The following PGS1 variants were observed in gnomAD, a reference collection of about 807,000 sequenced individuals.
The protein encoded by PGS1 is CDP-diacylglycerol--glycerol-3-phosphate 3-phosphatidyltransferase, mitochondrial.
Under a neutral mutation model 58.3 loss-of-function variants are expected in PGS1, and 44 were observed. The ratio of observed to expected loss-of-function variants is 0.75; its 90% confidence interval spans 0.59 to 0.97. PGS1 has a LOEUF of 0.97. PGS1 is among the 50% of genes least tolerant of loss of function. The pLI is 0.00. For synonymous variants in PGS1, 330 were observed against 311.0 expected (o/e 1.06, Z -0.64); for missense variants, 684 against 731.1 (o/e 0.94, Z 0.74).
At chr17:78,391,486 A>G (rs1385210458) in intron 1 of PGS1, among the ~76,000 whole-genome samples, 2 of 151,752 alleles carry the variant, frequency 1.3e-5, no homozygotes, top group African/African-American at 4.8e-5. Context: ...TGCCCAGGTA[A>G]CTTTTTTTTG....
At chr17:78,402,722 G>A (rs563662717) in intron 6 of PGS1, among the ~76,000 whole-genome samples, 3 of 152,076 alleles carry the variant, frequency 2.0e-5, no homozygotes, top group African/African-American at 7.2e-5. Flanking sequence ...TGCTGTGCTG[G>A]GATTATAGGC....
In PGS1 at chr17:78,418,032, C is replaced by T. The variant is rs568059951; in HGVS notation, c.1552-1514C>T. On this transcript the variant is annotated intron_variant, in intron 8 of 9. Transcript: ENST00000262764. ...GTAACCTCTGCCTCCCGGGTTCAAG[C>T]GATTCTCCTGCCTCAGCCTCCTGAG... is the stretch of plus-strand genomic sequence containing the variant. 6.0e-5 allele frequency among the ~76,000 whole-genome samples: 9 copies of T among 149,806 alleles called. No individual in the cohort carries two copies. The South Asian group carries it at 8.6e-4, about 14-fold the overall frequency.
At chr17:78,396,630 GTCC>G (rs1176135872) in intron 3 of PGS1, among the ~76,000 whole-genome samples, 1 of 152,256 alleles carries the variant, frequency 6.6e-6, no homozygotes, top group African/African-American at 2.4e-5. Flanking sequence ...CACTGGCAGT[GTCC>G]TCCTACCCAC....
intron 1 of PGS1, among the ~76,000 whole-genome samples, chr17:78,388,841 A>G (rs1266208355): frequency 6.6e-6 from 1 of 152,000 alleles, no homozygotes; most frequent in Non-Finnish European, 1.5e-5. Context: ...ATTTAATTTT[A>G]GCATCTTTTC....
chr17:78,383,640 C>T (rs182076977), intron 1 of PGS1, among the ~76,000 whole-genome samples: 16 of 152,316 alleles, frequency 1.1e-4, no homozygotes, highest in African/African-American at 3.1e-4. Context: ...TGATGGGATT[C>T]GGTCTTCCTT....
At chr17:78,422,702 G>C (rs947465206) in intron 9 of PGS1, among the ~76,000 whole-genome samples, 5 of 151,968 alleles carry the variant, frequency 3.3e-5, no homozygotes, top group Non-Finnish European at 5.9e-5. Context: ...GTTTTGCCAC[G>C]TTGCCCAGGC....
intron 7 of PGS1, among the ~76,000 whole-genome samples, chr17:78,411,870 G>A (rs1164852161): frequency 2.0e-5 from 3 of 150,422 alleles, no homozygotes; most frequent in South Asian, 2.1e-4. Flanking sequence ...GGCCTAGAGC[G>A]AGGGAGATGA....
intron 2 of PGS1, among the ~76,000 whole-genome samples, chr17:78,393,401 A>G (rs1034565198): frequency 6.6e-6 from 1 of 152,012 alleles, no homozygotes; most frequent in African/African-American, 2.4e-5. Flanking sequence ...CTTTTCCTCC[A>G]TGGTGAAGTT....
At chr17:78,395,569 C>G (rs549703804) in intron 2 of PGS1, among the ~76,000 whole-genome samples, 3 of 152,250 alleles carry the variant, frequency 2.0e-5, no homozygotes, top group African/African-American at 7.2e-5. Flanking sequence ...CCCCTGCCTC[C>G]TTCTCTGGGG....
chr17:78,394,398 T>C (rs1011417917), intron 2 of PGS1, among the ~76,000 whole-genome samples: 1 of 152,006 alleles, frequency 6.6e-6, no homozygotes, highest in African/African-American at 2.4e-5. Flanking sequence ...AGTGCATTCT[T>C]TGTGTGCACA....
intron 1 of PGS1, among the ~76,000 whole-genome samples, chr17:78,388,869 G>C (rs545951183): frequency 2.4e-4 from 37 of 152,236 alleles, no homozygotes; most frequent in Non-Finnish European, 4.3e-4. Flanking sequence ...CTTAGATGAT[G>C]TCAGGTGTGT....
At chr17:78,412,073 G>A (rs2084762796) in intron 7 of PGS1, among the ~76,000 whole-genome samples, 1 of 151,906 alleles carries the variant, frequency 6.6e-6, no homozygotes, top group South Asian at 2.1e-4. Flanking sequence ...ACAGACCAAT[G>A]GCTAAAACTG....
At chr17:78,380,143 G>A (rs893076576) in intron 1 of PGS1, among the ~76,000 whole-genome samples, 1 of 152,140 alleles carries the variant, frequency 6.6e-6, no homozygotes, top group Non-Finnish European at 1.5e-5. Flanking sequence ...TGGGATTACA[G>A]GCGTGAGCCA....
At chr17:78,403,320 A>G (rs563566379) in intron 6 of PGS1, among the ~76,000 whole-genome samples, 62 of 151,846 alleles carry the variant, frequency 4.1e-4, no homozygotes, top group African/African-American at 1.4e-3. Flanking sequence ...AATTGGAATG[A>G]TACGTCGACA....
chr17:78,395,296 A>T (rs1381587600), intron 2 of PGS1, among the ~76,000 whole-genome samples: 1 of 152,122 alleles, frequency 6.6e-6, no homozygotes, highest in Non-Finnish European at 1.5e-5. Context: ...CCCCACAAAC[A>T]TCTGTTTTAA....
intron 2 of PGS1, among the ~76,000 whole-genome samples, chr17:78,395,337 T>C (rs948165724): frequency 1.3e-5 from 2 of 152,178 alleles, no homozygotes; most frequent in Non-Finnish European, 2.9e-5. Flanking sequence ...ATAGCAACCT[T>C]GGGAAGTTGC....
At chr17:78,384,722 C>T (rs909911826) in intron 1 of PGS1, among the ~76,000 whole-genome samples, 1 of 152,282 alleles carries the variant, frequency 6.6e-6, no homozygotes, top group African/African-American at 2.4e-5. Context: ...CCAGCTTTAC[C>T]GTACTCTTTC....
chr17:78,422,143 A>AAGTG (rs2085861255), intron 9 of PGS1, among the ~76,000 whole-genome samples: 1 of 152,188 alleles, frequency 6.6e-6, no homozygotes, highest in Admixed American at 6.5e-5. Context: ...CCAGGGACTG[A>AAGTG]AGTGAGTTGC....
chr17:78,423,647 C>T lies in PGS1; in HGVS notation c.*11-414C>T, dbSNP rs2086178436. 8.7e-6 allele frequency: 4 copies of T among 460,610 alleles called. No homozygotes were observed. In the East Asian group the frequency reaches 1.1e-4, roughly 13 times the overall value. 28.5% of individuals were successfully genotyped at this position (460,610 alleles called of 1,614,324 possible). On this transcript the variant is annotated intron_variant, in intron 9 of 9. Coordinates refer to ENST00000262764, the MANE Select transcript of PGS1 (RefSeq NM_024419.5). ...GGGAATTGGGGCCTTTCCCCAAAGC[C>T]TGAACCAGGCCTCACAGTGGCCATC...
Sources: allele counts gnomAD v4.1 joint callset (sites outside exome capture counted in the v4.1 genomes callset), GRCh38; gene constraint gnomAD v4.1.1; transcripts MANE v1.5; gene names NCBI Gene and HGNC (gene_info 2026-07-23, HGNC 2026-07-21).